Variants in MYO3A observed in about 807,000 individuals in gnomAD.
The protein encoded by MYO3A is myosin-IIIa.
MYO3A carries 180 observed loss-of-function variants against 192.7 expected under a neutral mutation model. The ratio of observed to expected loss-of-function variants is 0.93; its 90% CI spans 0.83 to 1.06. MYO3A has a LOEUF of 1.06. MYO3A is among the 50% of genes least tolerant of loss of function. MYO3A has a pLI of 0.00. For synonymous variants in MYO3A, 628 were observed against 645.3 expected (o/e 0.97, Z 0.41); for missense variants, 1,896 against 1,905.0 (o/e 1.00, Z 0.09).
At chr10:26,140,919 T>C (rs1840124017) in intron 20 of MYO3A, among the ~76,000 whole-genome samples, 1 of 152,046 alleles carries the variant, frequency 6.6e-6, no homozygotes, top group South Asian at 2.1e-4. Context: ...TATATGTGTT[T>C]GTTTGTTTGT....
intron 17 of MYO3A, among the ~76,000 whole-genome samples, chr10:26,120,207 A>G (rs962475794): frequency 1.3e-5 from 2 of 152,040 alleles, no homozygotes; most frequent in Non-Finnish European, 2.9e-5. Context: ...AACGACACAT[A>G]TCCTTTGATT....
intron 10 of MYO3A, among the ~76,000 whole-genome samples, chr10:26,057,530 A>G (rs1030504772): frequency 1.3e-5 from 2 of 152,218 alleles, no homozygotes; most frequent in African/African-American, 4.8e-5. Flanking sequence ...AAAAGGGAAA[A>G]TAGATATTGG....
At position 26,174,217 on chromosome 10, in the gene MYO3A, G is replaced by A. The variant is rs1842198135; in HGVS notation, c.3953G>A (p.Ser1318Asn). The A allele has an allele frequency of 6.2e-7, 1 of 1,614,096 alleles. No homozygotes were observed. The highest frequency in any genetic ancestry group is 1.7e-5 in the Admixed American group (1 of 60,012). ...GTTACCCAGCGTGCACCGATATGCAGCCAGGAGGAAGGCAGAGGCCGTCTG... is the reference window on the plus strand; with the variant it reads ...GTTACCCAGCGTGCACCGATATGCAACCAGGAGGAAGGCAGAGGCCGTCTG... ...SVVTQRAPICSQEEGRGRLRH... is the reference protein window; with the variant it reads ...SVVTQRAPICNQEEGRGRLRH... Residue 1318 changes from serine (S) to asparagine (N), a missense_variant, in exon 30 of 35, where the codon AGC (serine) becomes AAC (asparagine). Ser to Asn is a conservative substitution (Grantham distance 46). Coordinates refer to ENST00000642920, the MANE Select transcript of MYO3A (RefSeq NM_017433.5).
chr10:25,950,169 A>G (rs1837113938), intron 2 of MYO3A, among the ~76,000 whole-genome samples: 1 of 152,188 alleles, frequency 6.6e-6, no homozygotes, highest in Non-Finnish European at 1.5e-5. Context: ...CTACAGGACA[A>G]GAAGGAACCA....
At chr10:26,018,407 G>A (rs1051275409) in intron 7 of MYO3A, among the ~76,000 whole-genome samples, 4 of 151,632 alleles carry the variant, frequency 2.6e-5, no homozygotes, top group South Asian at 2.1e-4. Flanking sequence ...CCACTCTATG[G>A]TATTAATAGC....
At chr10:25,993,813 T>A (rs1840226872) in intron 4 of MYO3A, among the ~76,000 whole-genome samples, 1 of 152,188 alleles carries the variant, frequency 6.6e-6, no homozygotes, top group Admixed American at 6.6e-5. Context: ...TTCCATGTAG[T>A]TGAGCAGTTT....
At chr10:26,078,700 A>T (rs1354656745) in intron 14 of MYO3A, among the ~76,000 whole-genome samples, 1 of 151,910 alleles carries the variant, frequency 6.6e-6, no homozygotes, top group Non-Finnish European at 1.5e-5. Context: ...AGGTTTTGAT[A>T]GGTTGTGTCA....
intron 4 of MYO3A, among the ~76,000 whole-genome samples, chr10:25,965,252 G>A (rs148808941): frequency 3.0e-3 from 459 of 152,260 alleles, no homozygotes; most frequent in Admixed American, 6.1e-3. Context: ...GCCCTTTGGA[G>A]GATATTTTCT....
intron 15 of MYO3A, among the ~76,000 whole-genome samples, chr10:26,096,054 G>C (rs971123831): frequency 1.2e-4 from 18 of 152,118 alleles, no homozygotes; most frequent in African/African-American, 4.3e-4. Flanking sequence ...TTTTCTGTCT[G>C]CTCCACTGGC....
chr10:25,966,910 T>C (rs1377419989), intron 4 of MYO3A, among the ~76,000 whole-genome samples: 1 of 152,132 alleles, frequency 6.6e-6, no homozygotes, highest in Non-Finnish European at 1.5e-5. Flanking sequence ...ACTTTTTAAA[T>C]ATTGGAAAAG....
intron 10 of MYO3A, among the ~76,000 whole-genome samples, chr10:26,052,046 G>A (rs1405223897): frequency 2.0e-5 from 3 of 152,130 alleles, no homozygotes; most frequent in Non-Finnish European, 4.4e-5. Flanking sequence ...TATCACATAG[G>A]AATATGCAAA....
At chr10:25,942,265 G>A (rs565370585) in intron 2 of MYO3A, among the ~76,000 whole-genome samples, 2 of 152,302 alleles carry the variant, frequency 1.3e-5, no homozygotes, top group South Asian at 4.1e-4. Flanking sequence ...GCCTCCAAAA[G>A]TGCTGGGATT....
chr10:26,000,954 T>C (rs1169594174), intron 6 of MYO3A, among the ~76,000 whole-genome samples: 3 of 152,142 alleles, frequency 2.0e-5, no homozygotes, highest in African/African-American at 4.8e-5. Flanking sequence ...CACATCTTAC[T>C]ATGGTGGCTG....
chr10:26,160,359 C>T (rs1420939958), intron 26 of MYO3A, among the ~76,000 whole-genome samples: 3 of 152,178 alleles, frequency 2.0e-5, no homozygotes, highest in African/African-American at 7.2e-5. Context: ...GAAGGAAGAG[C>T]ATCTCCAGGA....
Position 26,174,002 on chromosome 10 carries a change from G to T in MYO3A, c.3738G>T (p.Glu1246Asp). ...MIQSYYQRYT[E>D]ERNCEESKAA... ...AGAGTTACTATCAGAGGTACACAGA[G>T]GAGAGGAATTGTGAAGAGTCAAAAG... Residue 1246 changes from glutamate to aspartate, a missense_variant, in exon 30 of 35, where the codon GAG becomes GAT. Coordinates refer to ENST00000642920, the MANE Select transcript of MYO3A (RefSeq NM_017433.5). 1 of 1,611,234 alleles carries T rather than the reference G, an allele frequency of 6.2e-7. No individual in the cohort carries two copies. The highest frequency in any genetic ancestry group is 8.5e-7 in the Non-Finnish European group (1 of 1,179,290).
chr10:25,962,918 G>A (rs1329307464), intron 4 of MYO3A, among the ~76,000 whole-genome samples: 2 of 152,168 alleles, frequency 1.3e-5, no homozygotes, highest in Non-Finnish European at 2.9e-5. Context: ...AAGTAGGTAA[G>A]GAAATCTGGG....
chr10:26,088,590 A>G (rs1251085199), intron 15 of MYO3A, among the ~76,000 whole-genome samples, 185 bp downstream of exon 15: 1 of 152,240 alleles, frequency 6.6e-6, no homozygotes, highest in East Asian at 1.9e-4. Context: ...TACATCCAAT[A>G]GAGGAATTAA....
rs200248007 is a variant in MYO3A, at chr10:26,147,472, A to C, written c.2548A>C (p.Thr850Pro). 2.9e-5 allele frequency: 47 copies of C among 1,613,622 alleles called. No individual in the cohort carries two copies. Among genetic ancestry groups the C allele is most frequent in the Non-Finnish European group, 3.5e-5 (41 of 1,179,818 alleles). Residue 850 changes from threonine (T) to proline (P), a missense_variant, in exon 23 of 35, where the codon ACT becomes CCT. Transcript: ENST00000642920. The stretch of plus-strand genomic sequence containing the variant: ...TGGATTCTTAGCCAAAAACAGAGAC[A>C]CTCTTCCTACTGACATTGTGCTACT... Reference protein sequence around the residue: ...ASGFLAKNRDTLPTDIVLLLR... With the variant: ...ASGFLAKNRDPLPTDIVLLLR...
chr10:26,101,414 T>G (rs1256320589), intron 17 of MYO3A, among the ~76,000 whole-genome samples: 3 of 152,248 alleles, frequency 2.0e-5, no homozygotes, highest in African/African-American at 7.2e-5. Context: ...TTAATATTGT[T>G]ATGTGTGAAT....
Sources: gnomAD v4.1 joint callset for allele counts (sites outside exome capture counted in the v4.1 genomes callset) on GRCh38, gnomAD v4.1.1 for gene constraint, MANE v1.5 for transcripts, NCBI Gene and HGNC (gene_info 2026-07-23, HGNC 2026-07-21) for gene names.